The following BMAL1 variants were observed in gnomAD, a reference collection of about 807,000 sequenced individuals.
BMAL1 encodes the protein basic helix-loop-helix ARNT-like protein 1.
chr11:13,300,918 G>A, the BMAL1 span, among the ~76,000 whole-genome samples: 1 of 152,160 alleles, frequency 6.6e-6, no homozygotes, highest in Non-Finnish European at 1.5e-5. Flanking sequence ...GGCTTCCTCT[G>A]ACTTGCTGAT....
chr11:13,295,350 G>A, the BMAL1 span, among the ~76,000 whole-genome samples: 1 of 148,662 alleles, frequency 6.7e-6, no homozygotes, highest in Non-Finnish European at 1.5e-5. Flanking sequence ...AGAGAGAGAC[G>A]ATTAGCAGGG....
chr11:13,306,974 T>C, the BMAL1 span, among the ~76,000 whole-genome samples: 3 of 152,322 alleles, frequency 2.0e-5, no homozygotes, highest in East Asian at 3.9e-4. Flanking sequence ...AGAGCCTTTC[T>C]CTACATCTAG....
At chr11:13,360,497 A>G in the BMAL1 span, 1 of 1,414,548 alleles carries the variant, frequency 7.1e-7, no homozygotes, top group South Asian at 1.2e-5. Context: ...GCATGTGGGA[A>G]TTTGATGTTT....
At chr11:13,285,301 G>A in the BMAL1 span, among the ~76,000 whole-genome samples, 23 of 152,116 alleles carry the variant, frequency 1.5e-4, no homozygotes, top group African/African-American at 1.2e-4. Context: ...CAGTTACTCC[G>A]TCAGTGAAGT....
chr11:13,340,322 G>A, the BMAL1 span, among the ~76,000 whole-genome samples: 2 of 152,162 alleles, frequency 1.3e-5, no homozygotes, highest in Admixed American at 6.5e-5. Flanking sequence ...ACCCTGCTGG[G>A]TTCCGCTTTT....
chr11:13,285,599 A>G, the BMAL1 span, among the ~76,000 whole-genome samples: 437 of 152,272 alleles, frequency 2.9e-3, 2 homozygotes, highest in Middle Eastern at 0.01. Flanking sequence ...AGAGAACAGC[A>G]CATGTAAAGG....
the BMAL1 span, chr11:13,358,526 T>C: frequency 6.2e-7 from 1 of 1,613,488 alleles, no homozygotes; most frequent in South Asian, 1.1e-5. Context: ...TGCAACGCAA[T>C]GTCCAGGAAA....
At chr11:13,295,376 A>G in the BMAL1 span, among the ~76,000 whole-genome samples, 64 of 152,250 alleles carry the variant, frequency 4.2e-4, 2 homozygotes, top group African/African-American at 1.3e-3. Context: ...AATGAAGAAG[A>G]TAATTACAGG....
chr11:13,326,483 GCATTCT>G, the BMAL1 span: 1 of 152,100 alleles, frequency 6.6e-6, no homozygotes. Context: ...CACTTCACAT[GCATTCT>G]CTCTAATCCT....
the BMAL1 span, among the ~76,000 whole-genome samples, chr11:13,351,652 G>A: frequency 6.6e-6 from 1 of 152,146 alleles, no homozygotes; most frequent in Non-Finnish European, 1.5e-5. Flanking sequence ...CAGCTAAAGA[G>A]AGCAAAAAGG....
At chr11:13,284,148 ATATATATATATGTGTG>A in the BMAL1 span, among the ~76,000 whole-genome samples, 1,505 of 31,348 alleles carry the variant, frequency 0.048, 156 homozygotes, top group African/African-American at 0.11. Context: ...ATATATGTGT[ATATATATATATGTGTG>A]TATATATATA....
the BMAL1 span, among the ~76,000 whole-genome samples, chr11:13,321,045 A>G: frequency 6.6e-6 from 1 of 152,128 alleles, no homozygotes; most frequent in Non-Finnish European, 1.5e-5. Context: ...CAATGCACTG[A>G]TATATTCAAA....
At chr11:13,347,034 C>T in the BMAL1 span, among the ~76,000 whole-genome samples, 1 of 152,138 alleles carries the variant, frequency 6.6e-6, no homozygotes, top group Non-Finnish European at 1.5e-5. Context: ...AAACAGTTTT[C>T]CAGAAATAAT....
the BMAL1 span, among the ~76,000 whole-genome samples, chr11:13,311,221 G>A: frequency 9.2e-5 from 14 of 152,306 alleles, no homozygotes; most frequent in African/African-American, 3.4e-4. Flanking sequence ...GCTGAAGCCT[G>A]GCCTGAGAAG....
chr11:13,386,788 T>TATC, the BMAL1 span: 6 of 1,605,992 alleles, frequency 3.7e-6, no homozygotes, highest in Non-Finnish European at 4.3e-6. Flanking sequence ...ACAGCTATAG[T>TATC]ATCAAAGTGC....
chr11:13,278,654 T>G, the BMAL1 span, among the ~76,000 whole-genome samples: 63 of 152,292 alleles, frequency 4.1e-4, no homozygotes, highest in African/African-American at 1.5e-3. Flanking sequence ...GTCCAGGTCC[T>G]GGGCGGCCCT....
At chr11:13,382,290 A>G in the BMAL1 span, among the ~76,000 whole-genome samples, 2 of 84,394 alleles carry the variant, frequency 2.4e-5, no homozygotes, top group South Asian at 1.0e-3. Flanking sequence ...GGGTAAGACT[A>G]CAAAGTAAGA....
At chr11:13,335,179 C>T in the BMAL1 span, among the ~76,000 whole-genome samples, 3 of 152,194 alleles carry the variant, frequency 2.0e-5, no homozygotes, top group Non-Finnish European at 4.4e-5. Context: ...GATGATAATA[C>T]TACTAACCTG....
chr11:13,377,818 C>T, the BMAL1 span, among the ~76,000 whole-genome samples: 17 of 152,368 alleles, frequency 1.1e-4, no homozygotes, highest in South Asian at 3.5e-3. Context: ...GTGTTGGTTG[C>T]TGTGCCTGGA....
Sources: gnomAD v4.1 joint callset for allele counts (sites outside exome capture counted in the v4.1 genomes callset) on GRCh38, gnomAD v4.1.1 for gene constraint, MANE v1.5 for transcripts, NCBI Gene and HGNC (gene_info 2026-07-23, HGNC 2026-07-21) for gene names.